The following FGFR2 variants were observed in gnomAD, a reference collection of about 807,000 sequenced individuals.
FGFR2 encodes fibroblast growth factor receptor 2.
A neutral mutation model predicts 95.9 loss-of-function variants in FGFR2; 19 were observed. The observed-to-expected ratio is 0.20, with a 90% CI of 0.14 to 0.29. The LOEUF (loss-of-function observed/expected upper bound fraction) is 0.29. FGFR2 is among the 10% of genes least tolerant of loss of function. FGFR2 has a pLI of 1.00. For missense variants in FGFR2, 707 were observed against 1,056.9 expected (o/e 0.67, Z 4.59); for synonymous variants, 392 against 393.3 (o/e 1.00, Z 0.04).
In FGFR2 at chr10:121,515,179, A is replaced by C. The variant is rs957258787; in HGVS notation, c.1225T>G (p.Phe409Val). ...RMKNTTKKPD[F>V]SSQPAVHKLT... ...TTGTGCACAGCCGGCTGGCTGCTGAAGTCTGGCTTCTTGGTCGTGTTCTTC... is the reference window on the plus strand; with the variant it reads ...TTGTGCACAGCCGGCTGGCTGCTGACGTCTGGCTTCTTGGTCGTGTTCTTC... Residue 409 changes from phenylalanine (F) to valine (V), a missense_variant, in exon 9 of 18, where the codon TTC becomes GTC. By Grantham distance (50) the Phe-to-Val change is conservative. This residue lies in a region of FGFR2 where 194 missense variants were observed against 267.3 expected (regional missense o/e 0.73). Coordinates refer to ENST00000358487, the MANE Select transcript of FGFR2 (RefSeq NM_000141.5). 1.2e-6 allele frequency: 2 copies of C among 1,614,196 alleles called. No individual in the cohort carries two copies. Among genetic ancestry groups the C allele is most frequent in the Admixed American group, 3.3e-5 (2 of 60,022 alleles).
intron 2 of FGFR2, among the ~76,000 whole-genome samples, chr10:121,573,497 A>C (rs1472001291): frequency 1.3e-5 from 2 of 152,116 alleles, no homozygotes; most frequent in African/African-American, 4.8e-5. Flanking sequence ...GAAGAAAGAG[A>C]GAAAGAAATC....
intron 16 of FGFR2, 107 bp from the exon 17 acceptor site, chr10:121,483,910 T>A: frequency 1.2e-6 from 1 of 803,202 alleles, no homozygotes; most frequent in Non-Finnish European, 2.1e-6. Flanking sequence ...GGAAAATGCA[T>A]CAGAACCTTC....
At chr10:121,504,056 G>T in intron 9 of FGFR2, 115 bp from the exon 10 acceptor site, 1 of 1,280,176 alleles carries the variant, frequency 7.8e-7, no homozygotes, top group Non-Finnish European at 1.1e-6. Context: ...TTGGGGGCTG[G>T]CAGAAGTCAG....
chr10:121,588,895 C>T (rs1457537462), intron 2 of FGFR2, among the ~76,000 whole-genome samples: 5 of 151,910 alleles, frequency 3.3e-5, no homozygotes, highest in Non-Finnish European at 7.4e-5. Context: ...GCCTGGGTGG[C>T]AGATCAAGAC....
intron 2 of FGFR2, chr10:121,583,190 G>A (rs546932657): frequency 2.0e-5 from 3 of 152,322 alleles, no homozygotes; most frequent in South Asian, 2.1e-4. Flanking sequence ...GGTAGTCCTT[G>A]GTGCTTGTTT....
rs548715185 is a variant in FGFR2, at chr10:121,525,239, T to A, written c.749-5070A>T. 2.0e-5 allele frequency among the ~76,000 whole-genome samples: 3 copies of A among 152,278 alleles called. No individual in the cohort carries two copies. In the East Asian group the frequency reaches 5.8e-4, roughly 29 times the overall value. On this transcript the variant is annotated intron_variant, in intron 6 of 17. Transcript: ENST00000358487. ...CACAGTGCATGGACCTGGAACAAGA[T>A]GAGAACCTTCAAAAGAGTGATTGGA...
Position 121,500,883 on chromosome 10 carries a change from C to G in FGFR2, c.1504G>C (p.Gly502Arg), listed in dbSNP as rs1384270958. The G allele has an allele frequency of 6.2e-7, 1 of 1,614,218 alleles. No individual in the cohort carries two copies. The highest frequency in any genetic ancestry group is 8.5e-7 in the Non-Finnish European group (1 of 1,180,038). ...FGQVVMAEAV[G>R]IDKDKPKEAV... ...TCCTTGGGCTTGTCTTTGTCAATTC[C>G]CACTGCTTCCGCCATGACCACTTGC... The change falls in exon 11 of 18, where the codon GGA (glycine) becomes CGA (arginine). Residue 502 changes from glycine to arginine, a missense_variant. Transcript: ENST00000358487.
At chr10:121,501,013 G>C (rs930666737) in intron 10 of FGFR2, 66 bp from the exon 11 acceptor site, 1 of 1,604,288 alleles carries the variant, frequency 6.2e-7, no homozygotes, top group Non-Finnish European at 8.5e-7. Flanking sequence ...GGAAATTCCA[G>C]AACTAAATAT....
rs55633189 is a variant in FGFR2 at position 121,490,154 on chromosome 10, C to CTTTT, written c.1864-2045_1864-2042dup. Among the ~76,000 whole-genome samples, 28 of 79,994 alleles carry CTTTT rather than the reference C, an allele frequency of 3.5e-4. 2 individuals carry two copies. Among genetic ancestry groups the CTTTT allele is most frequent in the African/African-American group, 1.3e-3 (25 of 19,374 alleles). 52.5% of individuals were successfully genotyped at this position (79,994 alleles called of 152,430 possible). A position where few individuals can be genotyped will look rare whatever the true frequency, so the allele number is the denominator to read the frequency against. Reference sequence around the variant, plus strand: ...GATCTAGCTATTACGACTTTTCCTTCTTTTTTTTTTTTTTTTTTTTTTTTT... The same window carrying CTTTT: ...GATCTAGCTATTACGACTTTTCCTTCTTTTTTTTTTTTTTTTTTTTTTTTTTTTT... On this transcript the variant is annotated intron_variant, in intron 13 of 17. Transcript: ENST00000358487.
At chr10:121,536,130 T>C (rs749523690) in intron 6 of FGFR2, among the ~76,000 whole-genome samples, 4 of 152,234 alleles carry the variant, frequency 2.6e-5, no homozygotes, top group African/African-American at 4.8e-5. Context: ...CTGCTTAAGC[T>C]TGAATCCTTT....
intron 12 of FGFR2, among the ~76,000 whole-genome samples, chr10:121,497,830 C>T (rs1038137529): frequency 2.6e-5 from 4 of 152,198 alleles, no homozygotes; most frequent in African/African-American, 9.7e-5. Flanking sequence ...AAAGACCATA[C>T]GGCCCACAAA....
intron 5 of FGFR2, among the ~76,000 whole-genome samples, chr10:121,549,404 C>G (rs1387382823): frequency 6.6e-6 from 1 of 152,196 alleles, no homozygotes; most frequent in Non-Finnish European, 1.5e-5. Flanking sequence ...GGAATCCTCC[C>G]TACCTGGCTG....
chr10:121,506,357 C>CAA (rs10678814), intron 9 of FGFR2, among the ~76,000 whole-genome samples: 86,471 of 101,036 alleles, frequency 0.86, 38,139 homozygotes, highest in East Asian at 0.95. Flanking sequence ...GACTCCGTCT[C>CAA]AAAAAAAAAA....
intron 9 of FGFR2, 110 bp downstream of exon 9, chr10:121,515,007 C>A: frequency 1.9e-6 from 2 of 1,031,280 alleles, no homozygotes. Flanking sequence ...CAGAATCACT[C>A]GCACATGGAA....
intron 7 of FGFR2, 32 bp downstream of exon 7, chr10:121,519,947 T>C (rs1162969786): frequency 6.2e-7 from 1 of 1,609,458 alleles, no homozygotes; most frequent in Non-Finnish European, 8.5e-7. Flanking sequence ...AGACCCCAGT[T>C]GTGGGTACCT....
intron 2 of FGFR2, among the ~76,000 whole-genome samples, chr10:121,574,735 G>C (rs1233704111): frequency 6.6e-6 from 1 of 152,050 alleles, no homozygotes; most frequent in Non-Finnish European, 1.5e-5. Context: ...ACATCAAACA[G>C]AGACCTTATA....
At chr10:121,551,219 CAA>C (rs199542453) in intron 5 of FGFR2, 69 bp downstream of exon 5, 6 of 1,365,334 alleles carry the variant, frequency 4.4e-6, no homozygotes, top group South Asian at 2.6e-5. Context: ...GACTCCATCG[CAA>C]AAAAAAAATG....
intron 5 of FGFR2, among the ~76,000 whole-genome samples, chr10:121,543,382 T>C (rs561319705): frequency 1.3e-5 from 2 of 152,208 alleles, no homozygotes; most frequent in East Asian, 3.9e-4. Context: ...TGGTAGCAGG[T>C]GCCTGTAATC....
rs765236201 is a variant in FGFR2 at position 121,593,841 on chromosome 10, C to T, written c.-24G>A. The stretch of plus-strand genomic sequence containing the variant: ...ATGGTTACGGTACCAATCCCCGGTC[C>T]TCTTCCATATCTCCATGTGGACGTT... On this transcript the variant is annotated 5_prime_UTR_variant, in exon 2 of 18. Coordinates refer to ENST00000358487, the MANE Select transcript of FGFR2 (RefSeq NM_000141.5). The T allele has an allele frequency of 6.3e-7, 1 of 1,597,462 alleles. No individual in the cohort carries two copies. The highest frequency in any genetic ancestry group is 1.1e-5 in the South Asian group (1 of 90,718).
Sources: gnomAD v4.1 joint callset for allele counts (sites outside exome capture counted in the v4.1 genomes callset) on GRCh38, gnomAD v4.1.1 for gene constraint, gnomAD v4.1.1 regional missense constraint, MANE v1.5 for transcripts, NCBI Gene and HGNC (gene_info 2026-07-23, HGNC 2026-07-21) for gene names.